VOPP1: variants seen among roughly 807,000 people sequenced by gnomAD.
VOPP1 encodes WW domain binding protein VOPP1.
In VOPP1, 8 loss-of-function variants were observed where a neutral mutation model predicts 23.5. That is an observed-to-expected ratio of 0.34 (90% CI 0.20 to 0.61). VOPP1 has a LOEUF of 0.61. VOPP1 is among the 20% of genes least tolerant of loss of function. VOPP1 has a pLI of 0.78. For synonymous variants in VOPP1, 83 were observed against 97.3 expected, an observed-to-expected ratio of 0.85 and a Z score of 0.86; for missense variants, 174 against 238.1, an observed-to-expected ratio of 0.73 and a Z score of 1.77.
At chr7:55,517,396 T>G (rs1487626814) in intron 2 of VOPP1, among the ~76,000 whole-genome samples, 1 of 151,984 alleles carries the variant, frequency 6.6e-6, no homozygotes, top group African/African-American at 2.4e-5. Context: ...TCGTGGGCCC[T>G]CCACAGACAC....
intron 1 of VOPP1, among the ~76,000 whole-genome samples, chr7:55,569,208 C>T (rs979940113): frequency 2.0e-5 from 3 of 152,230 alleles, no homozygotes; most frequent in Non-Finnish European, 2.9e-5. Context: ...TCAGCTGCTG[C>T]CGGTTCCTCC....
chr7:55,513,759 A>G (rs569853897), intron 2 of VOPP1, among the ~76,000 whole-genome samples: 3 of 152,242 alleles, frequency 2.0e-5, no homozygotes, highest in Non-Finnish European at 4.4e-5. Flanking sequence ...TTTGGGGCCA[A>G]ATCTTTTCCT....
chr7:55,538,758 A>G (rs1796958572), intron 1 of VOPP1: 1 of 1,099,490 alleles, frequency 9.1e-7, no homozygotes, highest in African/African-American at 1.6e-5. Context: ...ACGCTTTCTA[A>G]GGGGAATGCT....
chr7:55,463,168 G>A (rs1285285177), intron 4 of VOPP1, among the ~76,000 whole-genome samples: 2 of 152,182 alleles, frequency 1.3e-5, no homozygotes, highest in African/African-American at 4.8e-5. Context: ...AATGTTTCAT[G>A]TGCTGACAAG....
rs145514626 is a variant in VOPP1, at chr7:55,568,757, G to A, written c.54+3514C>T. ...ATATGCTTAGGGCCTCATTACTCTC[G>A]GGATTCAACTGAAGTGTAGTCAGTT... On this transcript the variant is annotated intron_variant, in intron 1 of 4. Coordinates refer to ENST00000285279, the MANE Select transcript of VOPP1 (RefSeq NM_030796.5). Among the ~76,000 whole-genome samples, 827 of 152,206 alleles carry A rather than the reference G, an allele frequency of 5.4e-3. 11 individuals are homozygous for A. Among genetic ancestry groups the A allele is most frequent in the African/African-American group, 0.019 (790 of 41,506 alleles).
intron 1 of VOPP1, among the ~76,000 whole-genome samples, chr7:55,542,939 C>T (rs1191794847): frequency 6.6e-6 from 1 of 151,536 alleles, no homozygotes; most frequent in Non-Finnish European, 1.5e-5. Flanking sequence ...TTTTTGGAGA[C>T]GAGTCTCGCT....
intron 1 of VOPP1, among the ~76,000 whole-genome samples, chr7:55,547,841 C>T (rs1245264115): frequency 6.6e-6 from 1 of 152,258 alleles, no homozygotes; most frequent in Non-Finnish European, 1.5e-5. Context: ...CTTCCCATCA[C>T]TCCCTAGTAG....
intron 4 of VOPP1, among the ~76,000 whole-genome samples, chr7:55,484,145 GT>G (rs1413185311): frequency 2.0e-5 from 3 of 152,140 alleles, no homozygotes; most frequent in Non-Finnish European, 2.9e-5. Flanking sequence ...GCCATGTTTT[GT>G]TTTTGTTTCC....
intron 1 of VOPP1, among the ~76,000 whole-genome samples, chr7:55,549,950 C>T (rs1319520251): frequency 6.6e-6 from 1 of 152,176 alleles, no homozygotes; most frequent in Non-Finnish European, 1.5e-5. Flanking sequence ...CAGAGACTGC[C>T]TACCCGGACC....
intron 1 of VOPP1, among the ~76,000 whole-genome samples, chr7:55,545,557 C>G (rs1797330643): frequency 6.6e-6 from 1 of 152,224 alleles, no homozygotes. Context: ...AGGATAAACA[C>G]AGGTATGACT....
At chr7:55,476,247 T>C (rs1441081269) in intron 4 of VOPP1, among the ~76,000 whole-genome samples, 2 of 152,126 alleles carry the variant, frequency 1.3e-5, no homozygotes, top group East Asian at 3.9e-4. Flanking sequence ...AGTCTTGGCA[T>C]GGTTTGAAAG....
At chr7:55,461,621 T>C (rs1230520537) in intron 4 of VOPP1, among the ~76,000 whole-genome samples, 2 of 152,190 alleles carry the variant, frequency 1.3e-5, no homozygotes, top group African/African-American at 4.8e-5. Flanking sequence ...TTTCACCATG[T>C]TGGCCAGGCT....
intron 2 of VOPP1, among the ~76,000 whole-genome samples, chr7:55,509,954 TACA>T (rs1218939077): frequency 6.6e-6 from 1 of 152,220 alleles, no homozygotes; most frequent in East Asian, 1.9e-4. Context: ...TTGCCTTTAC[TACA>T]AACACAACCT....
chr7:55,535,528 G>T (rs1796735715), intron 1 of VOPP1, among the ~76,000 whole-genome samples: 1 of 151,974 alleles, frequency 6.6e-6, no homozygotes, highest in African/African-American at 2.4e-5. Flanking sequence ...CCCCCGCCCC[G>T]CAGCCATTTC....
At chr7:55,445,773 A>G (rs1236039693) in intron 4 of VOPP1, among the ~76,000 whole-genome samples, 2 of 152,166 alleles carry the variant, frequency 1.3e-5, no homozygotes, top group Non-Finnish European at 2.9e-5. Flanking sequence ...CCAATATGGT[A>G]GCCACTAGCC....
rs542784265 is a variant in VOPP1 at position 55,502,574 on chromosome 7, G to A, written c.114-4884C>T. The stretch of plus-strand genomic sequence containing the variant: ...TGACACTGTTACCCCTTTTCTGTCT[G>A]CTGCTTTCTTCCTTTTGAAGCTGCT... On this transcript the variant is annotated intron_variant, in intron 2 of 4. Transcript: ENST00000285279. Among the ~76,000 whole-genome samples the A allele has an allele frequency of 1.4e-4, 21 of 152,318 alleles. No individual in the cohort carries two copies. The South Asian group carries it at 4.1e-3, about 30-fold the overall frequency.
At chr7:55,503,281 G>A (rs1794492546) in intron 2 of VOPP1, among the ~76,000 whole-genome samples, 1 of 152,218 alleles carries the variant, frequency 6.6e-6, no homozygotes. Flanking sequence ...ATTTAGACAG[G>A]TGTCAGAGCA....
At chr7:55,502,858 T>C (rs1794463106) in intron 2 of VOPP1, among the ~76,000 whole-genome samples, 1 of 151,826 alleles carries the variant, frequency 6.6e-6, no homozygotes, top group Admixed American at 6.5e-5. Flanking sequence ...ACAGCAAGGG[T>C]TTTTCATCTC....
At chr7:55,533,095 T>C (rs1405391803) in intron 1 of VOPP1, among the ~76,000 whole-genome samples, 1 of 152,122 alleles carries the variant, frequency 6.6e-6, no homozygotes, top group African/African-American at 2.4e-5. Context: ...ACTGAGAACA[T>C]ATGTGCCAGG....
Sources: allele counts gnomAD v4.1 joint callset (sites outside exome capture counted in the v4.1 genomes callset), GRCh38; gene constraint gnomAD v4.1.1; transcripts MANE v1.5; gene names NCBI Gene and HGNC (gene_info 2026-07-23, HGNC 2026-07-21).